IGSF21: variants seen among roughly 807,000 people sequenced by gnomAD.
IGSF21 encodes the protein immunoglobin superfamily member 21, also known as immunoglobulin superfamily member 21.
A neutral mutation model predicts 46.8 loss-of-function variants in IGSF21; 28 were observed. The observed-to-expected ratio is 0.60, with a 90% confidence interval of 0.44 to 0.82. The LOEUF (loss-of-function observed/expected upper bound fraction) is 0.82, where lower values mean the gene tolerates loss of function less well. Among genes scored for constraint, IGSF21 ranks in the 40% least tolerant of loss-of-function variants. IGSF21 has a pLI of 0.00. For synonymous variants in IGSF21, 284 were observed against 273.6 expected (o/e 1.04, Z -0.38); for missense variants, 624 against 665.5 (o/e 0.94, Z 0.69).
rs367707691 is a variant in IGSF21, at chr1:18,155,356, G to A, written c.70+47158G>A. Among the ~76,000 whole-genome samples, 212 of 152,264 alleles carry A rather than the reference G, an allele frequency of 1.4e-3. 2 individuals are homozygous for A. The highest frequency in any genetic ancestry group is 4.8e-3 in the African/African-American group (201 of 41,552). On this transcript the variant is annotated intron_variant, in intron 1 of 9. Transcript: ENST00000251296. The stretch of plus-strand genomic sequence containing the variant: ...GCTGGTGCCATGTGACTTCCTTGCT[G>A]AGCCTCTGCTCCTGCATCTGTAAAA...
intron 1 of IGSF21, among the ~76,000 whole-genome samples, chr1:18,183,535 T>C (rs2086875889): frequency 1.3e-5 from 2 of 152,212 alleles, no homozygotes; most frequent in Non-Finnish European, 2.9e-5. Flanking sequence ...GCCCAGGTCA[T>C]GGATAGCCTT....
intron 1 of IGSF21, among the ~76,000 whole-genome samples, chr1:18,190,969 A>G (rs1442407965): frequency 6.6e-6 from 1 of 151,978 alleles, no homozygotes; most frequent in Non-Finnish European, 1.5e-5. Context: ...GCTGGGGCTG[A>G]CACATCGCTG....
chr1:18,115,017 A>T (rs1275173184), intron 1 of IGSF21: 2 of 152,384 alleles, frequency 1.3e-5, no homozygotes, highest in African/African-American at 4.8e-5. Flanking sequence ...TTATATCCCC[A>T]GTCCACAGGT....
At chr1:18,228,348 G>T (rs145476297) in intron 2 of IGSF21, among the ~76,000 whole-genome samples, 1 of 152,342 alleles carries the variant, frequency 6.6e-6, no homozygotes, top group African/African-American at 2.4e-5. Flanking sequence ...GGAATTTTGA[G>T]CATGAGGCTT....
At chr1:18,273,615 A>T (rs1366042962) in intron 2 of IGSF21, among the ~76,000 whole-genome samples, 1 of 151,316 alleles carries the variant, frequency 6.6e-6, no homozygotes, top group Non-Finnish European at 1.5e-5. Context: ...TATAATGAAA[A>T]GCAAATGGGT....
At chr1:18,229,191 C>G (rs934375432) in intron 2 of IGSF21, among the ~76,000 whole-genome samples, 1 of 152,210 alleles carries the variant, frequency 6.6e-6, no homozygotes, top group East Asian at 1.9e-4. Context: ...TTAGGTGGAG[C>G]TGTTCTGGAG....
chr1:18,257,840 G>A (rs1010808662), intron 2 of IGSF21, among the ~76,000 whole-genome samples: 1 of 152,104 alleles, frequency 6.6e-6, no homozygotes, highest in African/African-American at 2.4e-5. Context: ...CTGGACAAAG[G>A]GTAGAATGAC....
chr1:18,309,262 G>A (rs973039226), intron 3 of IGSF21, among the ~76,000 whole-genome samples: 4 of 152,128 alleles, frequency 2.6e-5, no homozygotes, highest in African/African-American at 7.2e-5. Flanking sequence ...CACCCTAGGG[G>A]CAATGATGCC....
chr1:18,327,867 G>A (rs1031609212), intron 3 of IGSF21, among the ~76,000 whole-genome samples: 6 of 152,116 alleles, frequency 3.9e-5, no homozygotes, highest in African/African-American at 1.4e-4. Context: ...ACAATTTATT[G>A]TTTGTCAATT....
intron 1 of IGSF21, among the ~76,000 whole-genome samples, chr1:18,124,683 A>T (rs16861603): frequency 0.027 from 4,143 of 152,244 alleles, 187 homozygotes; most frequent in African/African-American, 0.093. Context: ...CAGTCACTGG[A>T]TGGCAGCTTG....
chr1:18,377,991 C>G (rs1162971607), intron 9 of IGSF21, among the ~76,000 whole-genome samples: 1 of 152,206 alleles, frequency 6.6e-6, no homozygotes, highest in Non-Finnish European at 1.5e-5. Context: ...TGGAGCCAAT[C>G]TCACAGTTCA....
intron 1 of IGSF21, among the ~76,000 whole-genome samples, chr1:18,141,514 C>G (rs1288787673): frequency 6.6e-6 from 1 of 152,024 alleles, no homozygotes; most frequent in Admixed American, 6.6e-5. Context: ...GGGGGAGAGG[C>G]TGACACACAG....
chr1:18,343,988 T>TA (rs1252029392), intron 4 of IGSF21, among the ~76,000 whole-genome samples: 1 of 151,976 alleles, frequency 6.6e-6, no homozygotes, highest in Admixed American at 6.5e-5. Context: ...GAAAAGAGGG[T>TA]ACAGAAGGTC....
intron 4 of IGSF21, among the ~76,000 whole-genome samples, chr1:18,347,309 G>A (rs72938748): frequency 0.044 from 6,666 of 152,258 alleles, 300 homozygotes; most frequent in African/African-American, 0.11. Context: ...GTGCCTCAGT[G>A]TGAGTGCCCA....
intron 3 of IGSF21, among the ~76,000 whole-genome samples, chr1:18,314,628 C>T (rs1254466076): frequency 6.6e-6 from 1 of 152,182 alleles, no homozygotes; most frequent in Non-Finnish European, 1.5e-5. Flanking sequence ...AGGCAAGTGA[C>T]TTGCCTGAGA....
chr1:18,176,892 TTAG>T (rs1171119842), intron 1 of IGSF21, among the ~76,000 whole-genome samples: 1 of 152,212 alleles, frequency 6.6e-6, no homozygotes, highest in African/African-American at 2.4e-5. Flanking sequence ...AGCAGTGCTA[TTAG>T]TAGCCTTGCC....
chr1:18,358,531 G>A (rs927887757), intron 4 of IGSF21, among the ~76,000 whole-genome samples: 6 of 152,202 alleles, frequency 3.9e-5, no homozygotes, highest in Admixed American at 1.3e-4. Flanking sequence ...GGGACAGCCC[G>A]AATCTAGGGC....
In IGSF21 at chr1:18,242,327, G is replaced by A. The variant is rs796108537; in HGVS notation, c.183+14317G>A. Among the ~76,000 whole-genome samples, 29 of 152,292 alleles carry A rather than the reference G, an allele frequency of 1.9e-4. 1 individual carries two copies. The highest frequency in any genetic ancestry group is 6.5e-4 in the African/African-American group (27 of 41,572). ...AAGCTGGACTCTCTTTTGGTGAATG[G>A]TGGAAAATGTCTAGCAAAACCGTCC... On this transcript the variant is annotated intron_variant, in intron 2 of 9. Transcript: ENST00000251296.
At chr1:18,128,328 T>C (rs1413668068) in intron 1 of IGSF21, among the ~76,000 whole-genome samples, 1 of 152,042 alleles carries the variant, frequency 6.6e-6, no homozygotes, top group Non-Finnish European at 1.5e-5. Flanking sequence ...GATTGGGTGG[T>C]CAAGGAAGGC....
Sources: gnomAD v4.1 joint callset for allele counts (sites outside exome capture counted in the v4.1 genomes callset) on GRCh38, gnomAD v4.1.1 for gene constraint, MANE v1.5 for transcripts, NCBI Gene and HGNC (gene_info 2026-07-23, HGNC 2026-07-21) for gene names.